Variants in YME1L1 observed in about 807,000 individuals in gnomAD.
YME1L1 encodes YME1 like 1 ATPase.
Under a neutral mutation model 90.4 loss-of-function variants are expected in YME1L1, and 39 were observed. The ratio of observed to expected loss-of-function variants is 0.43; its 90% CI spans 0.33 to 0.56. The LOEUF (loss-of-function observed/expected upper bound fraction) is 0.56, where lower values mean the gene tolerates loss of function less well. Among genes scored for constraint, YME1L1 ranks in the 20% least tolerant of loss-of-function variants. The pLI is 0.03. For synonymous variants in YME1L1, 284 were observed against 287.3 expected, an observed-to-expected ratio of 0.99 and a Z score of 0.12; for missense variants, 617 against 868.4, an observed-to-expected ratio of 0.71 and a Z score of 3.64.
Position 27,129,521 on chromosome 10 carries a change from A to T in YME1L1, c.858+2338T>A, listed in dbSNP as rs892160776. On this transcript the variant is annotated intron_variant, in intron 8 of 18. Transcript: ENST00000376016. ...ATAATAACATAACCAATCTCTTCAG[A>T]GTTGGAAGAGTCCTCAGATCACGTA... 2.0e-5 allele frequency among the ~76,000 whole-genome samples: 3 copies of T among 152,212 alleles called. No individual in the cohort carries two copies. In the East Asian group the frequency reaches 5.8e-4, roughly 29 times the overall value.
rs369228135 is a variant in YME1L1, at chr10:27,126,720, T to G, written c.925A>C (p.Ile309Leu). Residue 309 changes from isoleucine (I) to leucine (L), a missense_variant, in exon 9 of 19, where the codon ATT (isoleucine) becomes CTT (leucine). Coordinates refer to ENST00000376016, the MANE Select transcript of YME1L1 (RefSeq NM_014263.4). ...CCTTTTGGAAGTTTACCTCCAAGAA[T>G]AGTAAATTTTTGTGGATTTTTCAAG... ...EFLKNPQKFT[I>L]LGGKLPKGIL... is the part of the protein sequence containing the mutation. The G allele has an allele frequency of 1.3e-6, 2 of 1,578,844 alleles. No homozygotes were observed. The highest frequency in any genetic ancestry group is 1.7e-6 in the Non-Finnish European group (2 of 1,161,446).
rs1324129112 is a variant in YME1L1, at chr10:27,111,755, T to G, written c.*222A>C. Reference sequence around the variant, plus strand: ...AGCTGTTTTCAATCCTGATAGTTCTTTATTTTTTCAAAATATATTTGCCAT... The same window carrying G: ...AGCTGTTTTCAATCCTGATAGTTCTGTATTTTTTCAAAATATATTTGCCAT... On this transcript the variant is annotated 3_prime_UTR_variant, in exon 19 of 19. Coordinates refer to ENST00000376016, the MANE Select transcript of YME1L1 (RefSeq NM_014263.4). 2 of 643,072 alleles carry G rather than the reference T, an allele frequency of 3.1e-6. No individual in the cohort carries two copies. The highest frequency in any genetic ancestry group is 3.6e-5 in the African/African-American group (2 of 55,326). 39.8% of individuals were successfully genotyped at this position (643,072 alleles called of 1,614,324 possible). A position where few individuals can be genotyped will look rare whatever the true frequency, so the allele number is the denominator to read the frequency against.
rs1177047502 is a variant in YME1L1 at position 27,110,676 on chromosome 10, G to T, written c.*1301C>A. ...CAAAGTTCACTTCGGAGGGGACTGA[G>T]ATTTTTGTTTAATTTTGCTTTTGAA... On this transcript the variant is annotated 3_prime_UTR_variant, in exon 19 of 19. Transcript: ENST00000376016. The T allele has an allele frequency of 6.6e-6, 1 of 152,152 alleles. No individual in the cohort carries two copies. Among genetic ancestry groups the T allele is most frequent in the Non-Finnish European group, 1.5e-5 (1 of 68,014 alleles). The allele number at this position is 152,152 out of a possible 1,614,324, so 9.4% of individuals were successfully genotyped here.
At position 27,111,450 on chromosome 10, in the gene YME1L1, T is replaced by C; in HGVS notation, c.*527A>G. 1 of 168,796 alleles carries C rather than the reference T, an allele frequency of 5.9e-6. No individual in the cohort carries two copies. The highest frequency in any genetic ancestry group is 1.3e-5 in the Non-Finnish European group (1 of 78,666). 10.5% of individuals were successfully genotyped at this position (168,796 alleles called of 1,614,324 possible). On this transcript the variant is annotated 3_prime_UTR_variant, in exon 19 of 19. Coordinates refer to ENST00000376016, the MANE Select transcript of YME1L1 (RefSeq NM_014263.4). Reference sequence around the variant, plus strand: ...CTCAAGCAATCCACCCGCCTCAGCCTCCAAAAGTGCTGGGATTACAGATGT... The same window carrying C: ...CTCAAGCAATCCACCCGCCTCAGCCCCCAAAAGTGCTGGGATTACAGATGT...
rs1307486361 is a variant in YME1L1, at chr10:27,110,577, A to G, written c.*1400T>C. 5 of 152,212 alleles carry G rather than the reference A, an allele frequency of 3.3e-5. No homozygotes were observed. The highest frequency in any genetic ancestry group is 5.9e-5 in the Non-Finnish European group (4 of 68,034). 9.4% of individuals were successfully genotyped at this position (152,212 alleles called of 1,614,324 possible). Reference sequence around the variant, plus strand: ...AGTTAAATATTCATCTGTAGATCCTATAACAGCATGTTCATATTCACAAAA... The same window carrying G: ...AGTTAAATATTCATCTGTAGATCCTGTAACAGCATGTTCATATTCACAAAA... On this transcript the variant is annotated 3_prime_UTR_variant, in exon 19 of 19. Coordinates refer to ENST00000376016, the MANE Select transcript of YME1L1 (RefSeq NM_014263.4).
chr10:27,121,021 C>T (rs1226204812), intron 12 of YME1L1, among the ~76,000 whole-genome samples: 7 of 152,182 alleles, frequency 4.6e-5, no homozygotes, highest in African/African-American at 1.7e-4. Context: ...ACCCTCTCTA[C>T]ATACAACTTT....
chr10:27,115,869 G>A (rs115797582), intron 17 of YME1L1, among the ~76,000 whole-genome samples, 191 bp downstream of exon 17: 62 of 152,306 alleles, frequency 4.1e-4, no homozygotes, highest in African/African-American at 1.4e-3. Flanking sequence ...TATCTGGGCA[G>A]CTCATTCTCA....
chr10:27,129,312 A>G (rs1184613738), intron 8 of YME1L1: 1 of 152,108 alleles, frequency 6.6e-6, no homozygotes, highest in Admixed American at 6.6e-5. Context: ...CCTCTTCCTC[A>G]ATTGTTCCCT....
At chr10:27,138,516 C>T (rs531027613) in intron 4 of YME1L1, among the ~76,000 whole-genome samples, 202 of 151,998 alleles carry the variant, frequency 1.3e-3, no homozygotes, top group Non-Finnish European at 2.0e-3. Context: ...CATACACACA[C>T]GTGTGTATGT....
intron 1 of YME1L1, 152 bp downstream of exon 1, chr10:27,154,026 G>A (rs1195361476): frequency 7.8e-6 from 8 of 1,025,196 alleles, no homozygotes; most frequent in African/African-American, 3.2e-5. Context: ...TCTCAGCGTC[G>A]TCCCCTGATC....
At chr10:27,127,627 G>T (rs1474361806) in intron 8 of YME1L1, among the ~76,000 whole-genome samples, 1 of 152,154 alleles carries the variant, frequency 6.6e-6, no homozygotes, top group Non-Finnish European at 1.5e-5. Context: ...TACAAAAGAG[G>T]ATATTCTATA....
intron 2 of YME1L1, among the ~76,000 whole-genome samples, chr10:27,147,833 C>T (rs2057162612): frequency 6.6e-6 from 1 of 152,192 alleles, no homozygotes; most frequent in African/African-American, 2.4e-5. Context: ...AGCAGCTTCC[C>T]CTGGCACCAC....
At position 27,142,503 on chromosome 10, in the gene YME1L1, A is replaced by G. The variant is rs2057099581; in HGVS notation, c.332-18T>C. 9 of 1,357,020 alleles carry G rather than the reference A, an allele frequency of 6.6e-6. No homozygotes were observed. Among genetic ancestry groups the G allele is most frequent in the Non-Finnish European group, 8.8e-6 (9 of 1,020,386 alleles). 84.1% of individuals were successfully genotyped at this position (1,357,020 alleles called of 1,614,324 possible). A position where few individuals can be genotyped will look rare whatever the true frequency, so the allele number is the denominator to read the frequency against. On this transcript the variant is annotated intron_variant, in intron 3 of 18. Transcript: ENST00000376016. ...TAAGTTACCTGGAGGGAAATTGCAA[A>G]AAGTAAATTTTCTAATTTCCAAACC...
chr10:27,122,719 C>T, intron 11 of YME1L1, 122 bp downstream of exon 11: 5 of 1,351,968 alleles, frequency 3.7e-6, no homozygotes, highest in Non-Finnish European at 5.1e-6. Flanking sequence ...CTATACACAT[C>T]ACATTTTTCA....
At chr10:27,127,024 T>G (rs2056927251) in intron 8 of YME1L1, among the ~76,000 whole-genome samples, 1 of 152,234 alleles carries the variant, frequency 6.6e-6, no homozygotes, top group Non-Finnish European at 1.5e-5. Flanking sequence ...ATTCTGAACT[T>G]TCATTTTCTC....
chr10:27,113,980 A>C (rs1459246661), intron 18 of YME1L1, among the ~76,000 whole-genome samples: 1 of 151,976 alleles, frequency 6.6e-6, no homozygotes, highest in Non-Finnish European at 1.5e-5. Context: ...TATTTGTTGA[A>C]TACATGTCAA....
rs917844437 is a variant in YME1L1 at position 27,111,686 on chromosome 10, A to G, written c.*291T>C. ...TAGTAGAGTAACCAAACATAAAATC[A>G]TTAATTACTTTCAACTTAATAACTA... On this transcript the variant is annotated 3_prime_UTR_variant, in exon 19 of 19. Coordinates refer to ENST00000376016, the MANE Select transcript of YME1L1 (RefSeq NM_014263.4). 2.2e-6 allele frequency: 1 copy of G among 449,238 alleles called. No homozygotes were observed. The highest frequency in any genetic ancestry group is 2.0e-5 in the African/African-American group (1 of 50,440). The allele number at this position is 449,238 out of a possible 1,614,324, so 27.8% of individuals were successfully genotyped here.
intron 8 of YME1L1, among the ~76,000 whole-genome samples, chr10:27,128,083 C>T (rs1295134560): frequency 6.6e-6 from 1 of 152,100 alleles, no homozygotes; most frequent in Non-Finnish European, 1.5e-5. Flanking sequence ...TAAGATCTAT[C>T]AAGGAAAATA....
At chr10:27,152,460 G>C (rs1371921195) in intron 1 of YME1L1, among the ~76,000 whole-genome samples, 1 of 152,158 alleles carries the variant, frequency 6.6e-6, no homozygotes, top group African/African-American at 2.4e-5. Context: ...AGACTGCCTA[G>C]GGTACATAAA....
Sources: allele counts gnomAD v4.1 joint callset (sites outside exome capture counted in the v4.1 genomes callset), GRCh38; gene constraint gnomAD v4.1.1; transcripts MANE v1.5; gene names NCBI Gene and HGNC (gene_info 2026-07-23, HGNC 2026-07-21).